Variants in DLEC1 observed in about 807,000 individuals in gnomAD.
The protein encoded by DLEC1 is DLEC1 cilia and flagella associated protein.
In DLEC1, 146 loss-of-function variants were observed where a neutral mutation model predicts 198.1. The ratio of observed to expected loss-of-function variants is 0.74; its 90% CI spans 0.64 to 0.85. The LOEUF (loss-of-function observed/expected upper bound fraction) is 0.85, where lower values mean the gene tolerates loss of function less well. Ranked by LOEUF, DLEC1 falls within the 40% of genes least tolerant of loss-of-function variation. The pLI, the probability that DLEC1 is intolerant of heterozygous loss-of-function variation, is 0.00. For synonymous variants in DLEC1, 897 were observed against 866.8 expected (o/e 1.03, Z -0.61); for missense variants, 2,233 against 2,220.0 (o/e 1.01, Z -0.12).
chr3:38,039,446 G>A lies in DLEC1; in HGVS notation c.221G>A (p.Arg74His), dbSNP rs1463542500. 6 of 1,613,852 alleles carry A rather than the reference G, an allele frequency of 3.7e-6. No individual in the cohort carries two copies. The highest frequency in any genetic ancestry group is 5.1e-6 in the Non-Finnish European group (6 of 1,179,804). Residue 74 changes from arginine (R) to histidine (H), a missense_variant, in exon 1 of 37, where the codon CGT (arginine) becomes CAT (histidine). Coordinates refer to ENST00000308059, the MANE Select transcript of DLEC1 (RefSeq NM_007335.4). ...RRLTQLALAQ[R>H]PEPQLLRLRP... ...CTCACGCAGCTTGCGCTGGCGCAGCGTCCCGAGCCTCAGCTGCTTCGTCTG... is the reference window on the plus strand; with the variant it reads ...CTCACGCAGCTTGCGCTGGCGCAGCATCCCGAGCCTCAGCTGCTTCGTCTG...
chr3:38,084,018 CTTCGACAG>C, intron 6 of DLEC1, 132 bp from the exon 7 acceptor site: 1 of 695,784 alleles, frequency 1.4e-6, no homozygotes, highest in Non-Finnish European at 2.4e-6. Flanking sequence ...CCTCAGCCAG[CTTCGACAG>C]TTACCAACAT....
At position 38,121,669 on chromosome 3, in the gene DLEC1, G is replaced by T. The variant is rs751319954; in HGVS notation, c.4908G>T (p.Gln1636His). 1.9e-6 allele frequency: 3 copies of T among 1,614,082 alleles called. No homozygotes were observed. Among genetic ancestry groups the T allele is most frequent in the Non-Finnish European group, 2.5e-6 (3 of 1,179,966 alleles). Residue 1636 changes from glutamine to histidine, a missense_variant, in exon 35 of 37, where the codon CAG becomes CAT. Transcript: ENST00000308059. ...CTGTGGTGGCCGTGCCTGAGCTGCAGCTCTCCACCAGCTGGGTGGACTTTG... is the reference window on the plus strand; with the variant it reads ...CTGTGGTGGCCGTGCCTGAGCTGCATCTCTCCACCAGCTGGGTGGACTTTG... ...LRAVVAVPEL[Q>H]LSTSWVDFGT... is the part of the protein sequence containing the mutation.
chr3:38,047,803 G>A (rs1445018336), intron 2 of DLEC1, among the ~76,000 whole-genome samples: 1 of 151,908 alleles, frequency 6.6e-6, no homozygotes, highest in Non-Finnish European at 1.5e-5. Context: ...TTTTATTAGG[G>A]GTTACAAATT....
intron 9 of DLEC1, among the ~76,000 whole-genome samples, chr3:38,087,902 TG>T (rs1356459156): frequency 6.6e-6 from 1 of 152,194 alleles, no homozygotes; most frequent in African/African-American, 2.4e-5. Context: ...CCTGTGACAC[TG>T]GGTGTTACTG....
At chr3:38,043,615 C>T (rs564706866) in intron 1 of DLEC1, among the ~76,000 whole-genome samples, 2 of 152,220 alleles carry the variant, frequency 1.3e-5, no homozygotes, top group South Asian at 2.1e-4. Context: ...TTGCCAGGCC[C>T]CTCCTGCTAA....
chr3:38,045,747 C>A, intron 2 of DLEC1, 54 bp downstream of exon 2: 1 of 1,545,052 alleles, frequency 6.5e-7, no homozygotes, highest in South Asian at 1.2e-5. Flanking sequence ...GTTGATATTT[C>A]ACTGTGTTTG....
chr3:38,084,037 G>T (rs150427625), intron 6 of DLEC1, 121 bp from the exon 7 acceptor site: 23 of 878,048 alleles, frequency 2.6e-5, no homozygotes, highest in Non-Finnish European at 4.1e-5. Flanking sequence ...TTACCAACAT[G>T]TGGCCAAGCC....
Position 38,096,689 on chromosome 3 carries a change from C to G in DLEC1, c.2292C>G (p.Ile764Met), listed in dbSNP as rs1699039922. Residue 764 changes from isoleucine to methionine, a missense_variant, in exon 15 of 37, where the codon ATC becomes ATG. Transcript: ENST00000308059. Reference protein sequence around the residue: ...FQVLLEPYALIIPGENYIGIN... With the variant: ...FQVLLEPYALMIPGENYIGIN... ...TTCTCTTAGAGCCATATGCCCTCAT[C>G]ATCCCAGGGGAGAACTACATTGGGA... 6.2e-7 allele frequency: 1 copy of G among 1,613,250 alleles called. No individual in the cohort carries two copies. Among genetic ancestry groups the G allele is most frequent in the Non-Finnish European group, 8.5e-7 (1 of 1,179,876 alleles).
rs58415692 is a variant in DLEC1, at chr3:38,076,578, G to C, written c.1174-7580G>C. Among the ~76,000 whole-genome samples the C allele has an allele frequency of 2.7e-3, 410 of 152,230 alleles. 1 individual carries two copies. The highest frequency in any genetic ancestry group is 9.5e-3 in the African/African-American group (393 of 41,534). On this transcript the variant is annotated intron_variant, in intron 6 of 36. Transcript: ENST00000308059. ...AGGTAATGTCATCACTCAAGGCAAGGACCGGCCATTTACACTTCTTTTGTG... is the reference window on the plus strand; with the variant it reads ...AGGTAATGTCATCACTCAAGGCAAGCACCGGCCATTTACACTTCTTTTGTG...
At position 38,122,336 on chromosome 3, in the gene DLEC1, G is replaced by T; in HGVS notation, c.5192G>T (p.Gly1731Val). ...ESTMVVEGVL[G>V]EKSCTLRLRG... The stretch of plus-strand genomic sequence containing the variant: ...ACGATGGTGGTGGAAGGTGTGCTCG[G>T]TGAGAAGTCCTGCACCCTGCGGCTC... Residue 1731 changes from glycine (G) to valine (V), a missense_variant, in exon 37 of 37, where the codon GGT becomes GTT. By Grantham distance (109) the Gly-to-Val change is moderately radical. Coordinates refer to ENST00000308059, the MANE Select transcript of DLEC1 (RefSeq NM_007335.4). 6.2e-7 allele frequency: 1 copy of T among 1,614,148 alleles called. No individual in the cohort carries two copies. Among genetic ancestry groups the T allele is most frequent in the Non-Finnish European group, 8.5e-7 (1 of 1,180,032 alleles).
chr3:38,077,025 A>C (rs1338471114), intron 6 of DLEC1, among the ~76,000 whole-genome samples: 13 of 152,146 alleles, frequency 8.5e-5, no homozygotes. Context: ...AACTAAATGG[A>C]ATAAGAGAAG....
rs755210596 is a variant in DLEC1, at chr3:38,116,778, G to C, written c.4068G>C (p.Glu1356Asp). The C allele has an allele frequency of 1.2e-6, 2 of 1,612,130 alleles. No individual in the cohort carries two copies. The highest frequency in any genetic ancestry group is 2.7e-5 in the African/African-American group (2 of 75,020). Residue 1356 changes from glutamate (E) to aspartate (D), a missense_variant, in exon 29 of 37, where the codon GAG becomes GAC. Physicochemically the swap from Glu to Asp is conservative, Grantham distance 45. Transcript: ENST00000308059. Reference protein sequence around the residue: ...EFSHETDSSVEGSSSASNRVA... With the variant: ...EFSHETDSSVDGSSSASNRVA... ...CAGTGATTCCTTGGTGACAGGTTGA[G>C]GGCAGCTCCAGTGCCAGCAATAGGG...
At chr3:38,050,800 A>G (rs573584617) in intron 2 of DLEC1, among the ~76,000 whole-genome samples, 1 of 152,346 alleles carries the variant, frequency 6.6e-6, no homozygotes, top group East Asian at 1.9e-4. Context: ...AATATTTGAT[A>G]TACATAGATT....
rs565893439 is a variant in DLEC1, at chr3:38,085,098, C to T, written c.1262-176C>T. On this transcript the variant is annotated intron_variant, in intron 7 of 36. Coordinates refer to ENST00000308059, the MANE Select transcript of DLEC1 (RefSeq NM_007335.4). ...AGGCTCTGGCATGCTTACCTGGAGT[C>T]GCCACCCTTGCAGCCTGCTCCCCTC... Among the ~76,000 whole-genome samples the T allele has an allele frequency of 3.9e-5, 6 of 152,314 alleles. No homozygotes were observed. In the Middle Eastern group the frequency reaches 0.01, roughly 259 times the overall value.
At chr3:38,042,872 C>G (rs1426721898) in intron 1 of DLEC1, among the ~76,000 whole-genome samples, 1 of 152,040 alleles carries the variant, frequency 6.6e-6, no homozygotes, top group Non-Finnish European at 1.5e-5. Context: ...TGTTCTTATA[C>G]CTATATTCCT....
chr3:38,109,170 A>C (rs530822142), intron 21 of DLEC1, among the ~76,000 whole-genome samples: 1 of 152,344 alleles, frequency 6.6e-6, no homozygotes, highest in South Asian at 2.1e-4. Context: ...CAGCTTCTCC[A>C]GAGGCCCTCT....
intron 4 of DLEC1, 55 bp downstream of exon 4, chr3:38,062,423 G>T (rs2125613387): frequency 6.2e-7 from 1 of 1,606,428 alleles, no homozygotes; most frequent in East Asian, 2.2e-5. Context: ...AGGCAGTGAA[G>T]GGGAAGGCAT....
Position 38,111,690 on chromosome 3 carries a change from C to A in DLEC1, c.3457C>A (p.Pro1153Thr). The change falls in exon 24 of 37, where the codon CCT becomes ACT. Residue 1153 changes from proline (P) to threonine (T), a missense_variant. Transcript: ENST00000308059. ...SKKTSLPNMP[P>T]ALLKTVRMQE... Reference sequence around the variant, plus strand: ...CCACTTGTAAAGTCCCAACATGCCTCCTGCCCTGCTAAAGACAGTGCGGAT... The same window carrying A: ...CCACTTGTAAAGTCCCAACATGCCTACTGCCCTGCTAAAGACAGTGCGGAT... 6.2e-7 allele frequency: 1 copy of A among 1,613,450 alleles called. No homozygotes were observed. Among genetic ancestry groups the A allele is most frequent in the East Asian group, 2.2e-5 (1 of 44,862 alleles).
At chr3:38,091,515 A>G (rs535789528) in intron 10 of DLEC1, among the ~76,000 whole-genome samples, 1 of 152,268 alleles carries the variant, frequency 6.6e-6, no homozygotes, top group East Asian at 1.9e-4. Context: ...TGAATAGACA[A>G]ATGGGATTAC....
Sources: allele counts gnomAD v4.1 joint callset (sites outside exome capture counted in the v4.1 genomes callset), GRCh38; gene constraint gnomAD v4.1.1; transcripts MANE v1.5; gene names NCBI Gene and HGNC (gene_info 2026-07-23, HGNC 2026-07-21).